Variants in PPARGC1A observed in about 807,000 individuals in gnomAD.
The protein encoded by PPARGC1A is peroxisome proliferator-activated receptor gamma coactivator 1-alpha.
Under a neutral mutation model 88.7 loss-of-function variants are expected in PPARGC1A, and 25 were observed. The ratio of observed to expected loss-of-function variants is 0.28; its 90% CI spans 0.21 to 0.39. The LOEUF is 0.39. PPARGC1A is among the 10% of genes least tolerant of loss of function. The probability of loss-of-function intolerance (pLI) is 1.00; values close to 1 mark genes in which losing one functional copy is unlikely to be tolerated. For synonymous variants in PPARGC1A, 363 were observed against 355.6 expected, an observed-to-expected ratio of 1.02 and a Z score of -0.24; for missense variants, 880 against 968.7, an observed-to-expected ratio of 0.91 and a Z score of 1.22.
chr4:24,233,585 T>TACAC, the PPARGC1A span, among the ~76,000 whole-genome samples: 85 of 149,324 alleles, frequency 5.7e-4, no homozygotes, highest in Admixed American at 1.7e-3. Flanking sequence ...CACAAACACA[T>TACAC]ACACACACAC....
intron 2 of PPARGC1A, among the ~76,000 whole-genome samples, chr4:23,851,692 C>T (rs564627528): frequency 6.6e-6 from 1 of 152,284 alleles, no homozygotes; most frequent in Admixed American, 6.5e-5. Flanking sequence ...AATATATCAA[C>T]ATTACCATAT....
At chr4:24,461,761 GAC>G in the PPARGC1A span, among the ~76,000 whole-genome samples, 17 of 152,110 alleles carry the variant, frequency 1.1e-4, no homozygotes, top group Non-Finnish European at 2.1e-4. Context: ...GGTATTCCTT[GAC>G]TAATTCCTTC....
At chr4:23,876,646 T>C (rs925409884) in intron 2 of PPARGC1A, among the ~76,000 whole-genome samples, 1 of 152,040 alleles carries the variant, frequency 6.6e-6, no homozygotes, top group Admixed American at 6.6e-5. Context: ...ACCAGCCTGA[T>C]TGCTCCTCCT....
intron 10 of PPARGC1A, among the ~76,000 whole-genome samples, chr4:23,807,628 T>C (rs970647833): frequency 6.6e-6 from 1 of 152,308 alleles, no homozygotes; most frequent in East Asian, 1.9e-4. Flanking sequence ...AACATATACA[T>C]TTTGATGGGT....
chr4:24,065,237 C>T, the PPARGC1A span, among the ~76,000 whole-genome samples: 1 of 152,070 alleles, frequency 6.6e-6, no homozygotes, highest in Admixed American at 6.5e-5. Flanking sequence ...GCATCTGCTC[C>T]TCCAAGCAGG....
At chr4:24,113,953 G>A in the PPARGC1A span, among the ~76,000 whole-genome samples, 8 of 151,908 alleles carry the variant, frequency 5.3e-5, no homozygotes, top group Admixed American at 1.3e-4. Flanking sequence ...GCAAAACGCC[G>A]TCTCTACTAA....
chr4:24,312,341 CTCATTTT>C, the PPARGC1A span, among the ~76,000 whole-genome samples: 1 of 152,040 alleles, frequency 6.6e-6, no homozygotes, highest in South Asian at 2.1e-4. Context: ...GACTATAATC[CTCATTTT>C]TCATTCCCAA....
At chr4:24,172,443 G>T in the PPARGC1A span, among the ~76,000 whole-genome samples, 1 of 152,210 alleles carries the variant, frequency 6.6e-6, no homozygotes, top group Non-Finnish European at 1.5e-5. Flanking sequence ...ACACAACGAA[G>T]CTGGGAATAG....
At chr4:24,200,101 T>G in the PPARGC1A span, among the ~76,000 whole-genome samples, 1 of 151,920 alleles carries the variant, frequency 6.6e-6, no homozygotes, top group Non-Finnish European at 1.5e-5. Context: ...ATAAATAATA[T>G]TAAAAATATA....
chr4:24,347,194 A>G, the PPARGC1A span, among the ~76,000 whole-genome samples: 1 of 152,026 alleles, frequency 6.6e-6, no homozygotes, highest in South Asian at 2.1e-4. Flanking sequence ...CTTATGTTCT[A>G]TTTTGGAGAA....
At chr4:24,306,779 C>A in the PPARGC1A span, among the ~76,000 whole-genome samples, 1 of 152,174 alleles carries the variant, frequency 6.6e-6, no homozygotes, top group Non-Finnish European at 1.5e-5. Flanking sequence ...CACCCCTGAT[C>A]TAGACCCTCT....
the PPARGC1A span, among the ~76,000 whole-genome samples, chr4:24,114,786 C>G: frequency 1.3e-5 from 2 of 152,148 alleles, no homozygotes; most frequent in East Asian, 3.8e-4. Context: ...AAATATTGCT[C>G]TTTACCTGAG....
the PPARGC1A span, among the ~76,000 whole-genome samples, chr4:24,179,194 T>C: frequency 1.3e-5 from 2 of 152,140 alleles, no homozygotes; most frequent in Non-Finnish European, 2.9e-5. Flanking sequence ...CCTTTTTAGA[T>C]ACAAGAACAC....
chr4:24,205,648 C>T, the PPARGC1A span, among the ~76,000 whole-genome samples: 2 of 152,144 alleles, frequency 1.3e-5, no homozygotes, highest in African/African-American at 2.4e-5. Flanking sequence ...CACACCCACA[C>T]GCTCCGATCT....
chr4:23,942,092 A>G, the PPARGC1A span, among the ~76,000 whole-genome samples: 8 of 152,132 alleles, frequency 5.3e-5, no homozygotes, highest in Non-Finnish European at 1.2e-4. Flanking sequence ...AAAAGAAGAA[A>G]GAGAAGAATC....
At chr4:24,410,462 GC>G in the PPARGC1A span, among the ~76,000 whole-genome samples, 1 of 152,138 alleles carries the variant, frequency 6.6e-6, no homozygotes. Context: ...GCAGACTCCT[GC>G]CCCCACCAAC....
the PPARGC1A span, among the ~76,000 whole-genome samples, chr4:24,230,439 T>C: frequency 6.6e-6 from 1 of 152,108 alleles, no homozygotes; most frequent in South Asian, 2.1e-4. Flanking sequence ...ATTTTAAAGG[T>C]AAGGGAAGAG....
chr4:23,908,279 G>A (rs552678481), upstream of PPARGC1A, among the ~76,000 whole-genome samples: 6 of 152,122 alleles, frequency 3.9e-5, no homozygotes, highest in Middle Eastern at 3.4e-3. Context: ...AAAAATAGGC[G>A]AAATGCAGTA....
chr4:24,181,491 G>A, the PPARGC1A span, among the ~76,000 whole-genome samples: 2 of 152,102 alleles, frequency 1.3e-5, no homozygotes, highest in Non-Finnish European at 2.9e-5. Flanking sequence ...ATTAACACTA[G>A]CTATTACTAT....
Sources: gnomAD v4.1 joint callset for allele counts (sites outside exome capture counted in the v4.1 genomes callset) on GRCh38, gnomAD v4.1.1 for gene constraint, MANE v1.5 for transcripts, NCBI Gene and HGNC (gene_info 2026-07-23, HGNC 2026-07-21) for gene names.